POTEG: variants seen among roughly 807,000 people sequenced by gnomAD.
The protein encoded by POTEG is POTE ankyrin domain family member G, also known as ANKRD26-like family C member 2.
In POTEG, 2 loss-of-function variants were observed where a neutral mutation model predicts 49.6. The ratio of observed to expected loss-of-function variants is 0.04; its 90% CI spans 0.02 to 0.13. The LOEUF (loss-of-function observed/expected upper bound fraction) is 0.13, where lower values mean the gene tolerates loss of function less well. POTEG is among the 10% of genes least tolerant of loss of function. The pLI, the probability that POTEG is intolerant of heterozygous loss-of-function variation, is 1.00. For synonymous variants in POTEG, 7 were observed against 186.6 expected (o/e 0.04, Z 7.84); for missense variants, 26 against 545.2 (o/e 0.05, Z 9.48).
chr14:19,427,919 CCATA>C (rs1273774295), intron 3 of POTEG, among the ~76,000 whole-genome samples: 1 of 138,692 alleles, frequency 7.2e-6, no homozygotes, highest in African/African-American at 2.7e-5. Context: ...CTTTGTCTCA[CCATA>C]CAAAGGAAAT....
intron 1 of POTEG, among the ~76,000 whole-genome samples, chr14:19,432,973 G>C (rs1884221938): frequency 2.5e-5 from 1 of 39,830 alleles, no homozygotes; most frequent in East Asian, 7.1e-4. Context: ...CTCCCAGGTT[G>C]GAGTACAGTG....
intron 7 of POTEG, 41 bp downstream of exon 7, chr14:19,416,247 A>C (rs1170274774): frequency 2.5e-6 from 4 of 1,582,754 alleles, no homozygotes; most frequent in African/African-American, 1.4e-5. Flanking sequence ...AAAAACAAAA[A>C]AAACGTTAAA....
At chr14:19,431,373 T>C (rs1247084481) in intron 1 of POTEG, among the ~76,000 whole-genome samples, 1 of 149,352 alleles carries the variant, frequency 6.7e-6, no homozygotes, top group African/African-American at 2.4e-5. Flanking sequence ...CTTTTCTAAA[T>C]ACACTGCTAT....
chr14:19,425,757 A>G, intron 3 of POTEG, 45 bp from the exon 4 acceptor site: 6 of 370,950 alleles, frequency 1.6e-5, no homozygotes, highest in South Asian at 1.6e-4. Context: ...TCAAAAAAGT[A>G]CATATTCCTC....
At position 19,424,155 on chromosome 14, in the gene POTEG, A is replaced by G. The variant is rs1300363901; in HGVS notation, c.1055+10T>C. The G allele has an allele frequency of 3.3e-6, 5 of 1,507,358 alleles. No homozygotes were observed. Among genetic ancestry groups the G allele is most frequent in the Non-Finnish European group, 4.4e-6 (5 of 1,129,912 alleles). 93.4% of individuals were successfully genotyped at this position (1,507,358 alleles called of 1,614,324 possible). ...TTAGCATTAACTAGCCTTTTAATGT[A>G]AACACTTACACATTATGATGACTAG... On this transcript the variant is annotated intron_variant, in intron 5 of 10. Transcript: ENST00000547848.
intron 3 of POTEG, among the ~76,000 whole-genome samples, chr14:19,426,397 G>C (rs1252118637): frequency 1.3e-5 from 2 of 150,630 alleles, no homozygotes; most frequent in African/African-American, 4.9e-5. Context: ...TACTTAAAGA[G>C]ACACACTGGA....
chr14:19,416,086 C>T (rs1207255792), intron 7 of POTEG, among the ~76,000 whole-genome samples: 4 of 147,278 alleles, frequency 2.7e-5, no homozygotes, highest in South Asian at 2.2e-4. Flanking sequence ...CCTCATGATC[C>T]GCCCACCTCA....
intron 4 of POTEG, 145 bp downstream of exon 4, chr14:19,425,461 T>C (rs1883912000): frequency 5.4e-6 from 1 of 183,766 alleles, no homozygotes; most frequent in East Asian, 1.1e-4. Flanking sequence ...TGTTGCCCAG[T>C]CCAAATAATT....
chr14:19,432,401 T>C (rs868334672), intron 1 of POTEG, among the ~76,000 whole-genome samples: 975 of 68,944 alleles, frequency 0.014, 28 homozygotes, highest in Non-Finnish European at 0.022. Flanking sequence ...TATATATATA[T>C]ATACACACAC....
chr14:19,420,000 T>TA lies in POTEG; in HGVS notation c.1126+1623dup, dbSNP rs201252690. Among the ~76,000 whole-genome samples the TA allele has an allele frequency of 1.3e-3, 187 of 138,952 alleles. 2 individuals carry two copies. The highest frequency in any genetic ancestry group is 0.012 in the Admixed American group (171 of 13,780). The allele number at this position is 138,952 out of a possible 152,430, so 91.2% of individuals were successfully genotyped here. A position where few individuals can be genotyped will look rare whatever the true frequency, so the allele number is the denominator to read the frequency against. ...TATTCACCTCATTCCCAACCTCTCG[T>TA]ATCTCACACTTTTGGTATTAGCAAA... On this transcript the variant is annotated intron_variant, in intron 6 of 10. Transcript: ENST00000547848.
chr14:19,420,037 C>G (rs1883693820), intron 6 of POTEG, among the ~76,000 whole-genome samples: 1 of 134,522 alleles, frequency 7.4e-6, no homozygotes, highest in Non-Finnish European at 1.6e-5. Context: ...GTGAATTGCT[C>G]AGAATCCCTG....
chr14:19,432,445 T>C (rs58957406), intron 1 of POTEG, among the ~76,000 whole-genome samples: 7,339 of 77,806 alleles, frequency 0.094, 260 homozygotes, highest in African/African-American at 0.18. Flanking sequence ...TATATATATA[T>C]ACATATATAT....
At chr14:19,431,735 A>T (rs867513112) in intron 1 of POTEG, among the ~76,000 whole-genome samples, 403 of 2,630 alleles carry the variant, frequency 0.15, no homozygotes, top group African/African-American at 0.31. Context: ...AGTAGCTGGG[A>T]TTACAGGTGC....
chr14:19,414,963 T>C (rs1477208275), intron 7 of POTEG, among the ~76,000 whole-genome samples: 2 of 139,730 alleles, frequency 1.4e-5, no homozygotes, highest in African/African-American at 2.5e-5. Context: ...AGCAGATCAT[T>C]TGTAGTGTTG....
At chr14:19,424,042 CA>C (rs1883850447) in intron 5 of POTEG, 122 bp downstream of exon 5, 1 of 1,588,886 alleles carries the variant, frequency 6.3e-7, no homozygotes, top group Admixed American at 1.8e-5. Flanking sequence ...GGGACTAACT[CA>C]CTGCCACGCG....
At chr14:19,430,887 TAAA>T in intron 1 of POTEG, among the ~76,000 whole-genome samples, 1 of 147,496 alleles carries the variant, frequency 6.8e-6, no homozygotes, top group African/African-American at 2.5e-5. Flanking sequence ...AATTATGTGA[TAAA>T]ATCTATATAC....
chr14:19,431,208 G>A (rs1420781505), intron 1 of POTEG, among the ~76,000 whole-genome samples: 11 of 152,182 alleles, frequency 7.2e-5, no homozygotes, highest in South Asian at 6.2e-4. Flanking sequence ...GATTCTGTTC[G>A]TGTATATGTG....
chr14:19,432,403 T>TATATACATACAC (rs1330765784), intron 1 of POTEG, among the ~76,000 whole-genome samples: 2 of 44,728 alleles, frequency 4.5e-5, no homozygotes, highest in Non-Finnish European at 4.4e-5. Flanking sequence ...TATATATATA[T>TATATACATACAC]ACACACACAT....
intron 6 of POTEG, chr14:19,420,898 CAA>C (rs1162627934): frequency 1.7e-5 from 2 of 117,400 alleles, no homozygotes; most frequent in Non-Finnish European, 3.7e-5. Flanking sequence ...CATCTTGTTC[CAA>C]AAAAGTCAAT....
Sources: allele counts gnomAD v4.1 joint callset (sites outside exome capture counted in the v4.1 genomes callset), GRCh38; gene constraint gnomAD v4.1.1; transcripts MANE v1.5; gene names NCBI Gene and HGNC (gene_info 2026-07-23, HGNC 2026-07-21).